Variants in ZNF254 observed in about 807,000 individuals in gnomAD.
ZNF254 encodes the protein CTD-2017D11.1.
A neutral mutation model predicts 12.4 loss-of-function variants in ZNF254; 10 were observed. That is an observed-to-expected ratio of 0.80 (90% CI 0.50 to 1.36). The LOEUF is 1.36. Among genes scored for constraint, ZNF254 ranks in the 40% most tolerant of loss-of-function variants. The pLI, the probability that ZNF254 is intolerant of heterozygous loss-of-function variation, is 0.00. For missense variants in ZNF254, 996 were observed against 763.9 expected (o/e 1.30, Z -3.58); for synonymous variants, 305 against 253.4 (o/e 1.20, Z -1.93).
chr19:24,068,371 G>T (rs1343902121), intron 2 of ZNF254, among the ~76,000 whole-genome samples: 1 of 152,028 alleles, frequency 6.6e-6, no homozygotes, highest in African/African-American at 2.4e-5. Flanking sequence ...TGTGATCTTG[G>T]CTCACTGCAA....
chr19:24,086,726 C>T (rs907520532), upstream of ZNF254, among the ~76,000 whole-genome samples: 2 of 152,150 alleles, frequency 1.3e-5, no homozygotes, highest in African/African-American at 4.8e-5. Flanking sequence ...ATCCGCCCGC[C>T]TTGGCCATCG....
chr19:24,056,145 G>A (rs987444448), intron 2 of ZNF254, among the ~76,000 whole-genome samples: 1 of 152,036 alleles, frequency 6.6e-6, no homozygotes, highest in Non-Finnish European at 1.5e-5. Flanking sequence ...AATGATTTGA[G>A]TCTCCTCCCC....
At chr19:24,110,092 T>C (rs1037920593) in intron 3 of ZNF254, among the ~76,000 whole-genome samples, 1 of 152,162 alleles carries the variant, frequency 6.6e-6, no homozygotes, top group African/African-American at 2.4e-5. Context: ...AATAGTCTTA[T>C]TTTCACCATG....
chr19:24,051,091 A>C (rs1240256268), intron 2 of ZNF254, among the ~76,000 whole-genome samples: 1 of 152,092 alleles, frequency 6.6e-6, no homozygotes, highest in Non-Finnish European at 1.5e-5. Context: ...ATGTGACTCC[A>C]CACTTCTTCC....
At chr19:24,053,642 G>A (rs1032972312) in intron 2 of ZNF254, among the ~76,000 whole-genome samples, 4 of 152,118 alleles carry the variant, frequency 2.6e-5, no homozygotes, top group Admixed American at 6.6e-5. Flanking sequence ...CAGAACCTAG[G>A]TCGTGTGACT....
At chr19:24,102,015 A>G (rs919924055) in intron 1 of ZNF254, among the ~76,000 whole-genome samples, 11 of 152,248 alleles carry the variant, frequency 7.2e-5, no homozygotes, top group African/African-American at 2.7e-4. Context: ...CTTCTATTTC[A>G]TATAGTCATT....
At chr19:24,124,002 A>C (rs558662537) in intron 3 of ZNF254, among the ~76,000 whole-genome samples, 8 of 151,982 alleles carry the variant, frequency 5.3e-5, no homozygotes, top group Non-Finnish European at 1.0e-4. Flanking sequence ...TCTGAAATAG[A>C]AAGACTTACT....
At chr19:24,059,695 G>A (rs544692635) in intron 2 of ZNF254, among the ~76,000 whole-genome samples, 4 of 152,106 alleles carry the variant, frequency 2.6e-5, no homozygotes, top group Non-Finnish European at 4.4e-5. Flanking sequence ...GCCTACAGGG[G>A]TATGATGATG....
At chr19:24,042,624 G>A (rs908938724) in intron 1 of ZNF254, among the ~76,000 whole-genome samples, 1 of 151,938 alleles carries the variant, frequency 6.6e-6, no homozygotes, top group South Asian at 2.1e-4. Context: ...CTTAAGAGCT[G>A]TAACACTCAC....
chr19:24,100,657 CAAA>C (rs773534350), intron 1 of ZNF254, among the ~76,000 whole-genome samples: 2 of 146,260 alleles, frequency 1.4e-5, no homozygotes, highest in Non-Finnish European at 3.0e-5. Flanking sequence ...GAATTTCTGA[CAAA>C]GAAGTTTGTA....
chr19:24,038,731 G>A (rs1278823533), intron 1 of ZNF254, among the ~76,000 whole-genome samples: 1 of 152,142 alleles, frequency 6.6e-6, no homozygotes, highest in Non-Finnish European at 1.5e-5. Flanking sequence ...AAGTCTGCAG[G>A]CAGAATGGCC....
rs147972586 is a variant in ZNF254, at chr19:24,106,611, T to C, written c.221T>C (p.Met74Thr). ...CLEQGKEPWN[M>T]KRHEMVDEPP... ...GAACAAGGGAAAGAGCCCTGGAATA[T>C]GAAGCGACATGAGATGGTGGATGAA... The change falls in exon 3 of 4, where the codon ATG (methionine) becomes ACG (threonine). Residue 74 changes from methionine to threonine, a missense_variant. By Grantham distance (81) the Met-to-Thr change is moderately conservative (BLOSUM62 -1). Transcript: ENST00000357002. 8.8e-5 allele frequency: 139 copies of C among 1,584,506 alleles called. No individual in the cohort carries two copies. In the African/African-American group the frequency reaches 1.7e-3, roughly 20 times the overall value.
intron 2 of ZNF254, among the ~76,000 whole-genome samples, chr19:24,046,961 T>C (rs1228372630): frequency 6.6e-6 from 1 of 151,838 alleles, no homozygotes; most frequent in East Asian, 1.9e-4. Flanking sequence ...GAATCCTGAG[T>C]TCAAGTGATT....
At chr19:24,064,638 A>G (rs1971202701) in intron 2 of ZNF254, 1 of 152,174 alleles carries the variant, frequency 6.6e-6, no homozygotes, top group Non-Finnish European at 1.5e-5. Context: ...GCAATTCTTC[A>G]GCCTCAGCCC....
At chr19:24,046,862 CTT>C (rs756475156) in intron 2 of ZNF254, among the ~76,000 whole-genome samples, 12 of 139,802 alleles carry the variant, frequency 8.6e-5, no homozygotes, top group Middle Eastern at 3.6e-3. Context: ...TTCATCTTTC[CTT>C]TTTTTTTTTT....
chr19:24,052,124 T>C (rs1970672140), intron 2 of ZNF254, among the ~76,000 whole-genome samples: 1 of 152,162 alleles, frequency 6.6e-6, no homozygotes, highest in Admixed American at 6.5e-5. Flanking sequence ...GACTCTTCTC[T>C]ATGGTTTGGG....
At chr19:24,062,243 A>T (rs541039969) in intron 2 of ZNF254, among the ~76,000 whole-genome samples, 1 of 152,300 alleles carries the variant, frequency 6.6e-6, no homozygotes, top group African/African-American at 2.4e-5. Context: ...AACAGGTTAG[A>T]TCATGTTTCA....
chr19:24,094,811 C>A (rs1444822257), intron 1 of ZNF254, among the ~76,000 whole-genome samples: 3 of 151,994 alleles, frequency 2.0e-5, no homozygotes, highest in African/African-American at 7.2e-5. Flanking sequence ...CTCAGCCTCT[C>A]AAGTAGCTGG....
chr19:24,125,690 C>A (rs539618951), intron 3 of ZNF254, among the ~76,000 whole-genome samples: 1 of 152,296 alleles, frequency 6.6e-6, no homozygotes, highest in South Asian at 2.1e-4. Flanking sequence ...GTAGCGTCAT[C>A]ACTTGCTACA....
Sources: allele counts gnomAD v4.1 joint callset (sites outside exome capture counted in the v4.1 genomes callset), GRCh38; gene constraint gnomAD v4.1.1; transcripts MANE v1.5; gene names NCBI Gene and HGNC (gene_info 2026-07-23, HGNC 2026-07-21).